RAB40C: variants seen among roughly 807,000 people sequenced by gnomAD.
RAB40C encodes ras-related protein Rab-40C.
RAB40C carries 8 observed loss-of-function variants against 28.1 expected under a neutral mutation model. That is an observed-to-expected ratio of 0.28 (90% CI 0.17 to 0.51). The LOEUF (loss-of-function observed/expected upper bound fraction) is 0.51. Among genes scored for constraint, RAB40C ranks in the 20% least tolerant of loss-of-function variants. RAB40C has a pLI of 0.97. For missense variants in RAB40C, 288 were observed against 405.9 expected, an observed-to-expected ratio of 0.71 and a Z score of 2.50; for synonymous variants, 201 against 171.7, an observed-to-expected ratio of 1.17 and a Z score of -1.34.
At chr16:600,749 C>G (rs761820946) in intron 1 of RAB40C, among the ~76,000 whole-genome samples, 1 of 152,108 alleles carries the variant, frequency 6.6e-6, no homozygotes, top group Non-Finnish European at 1.5e-5. Flanking sequence ...GAGACTCCAT[C>G]TCAAAAAAAT....
chr16:605,985 C>T lies in RAB40C; in HGVS notation c.143-11223C>T, dbSNP rs553521896. On this transcript the variant is annotated intron_variant, in intron 1 of 5. Transcript: ENST00000248139. ...TCTTTGTAATAGCCATAGAACATTT[C>T]TATTCTGTCAGTAACCATTCCCCAG... Among the ~76,000 whole-genome samples the T allele has an allele frequency of 6.4e-4, 98 of 152,336 alleles. 6 individuals carry two copies. The South Asian group carries it at 0.012, about 18-fold the overall frequency.
chr16:595,174 C>T (rs2036086583), intron 1 of RAB40C, among the ~76,000 whole-genome samples: 1 of 152,166 alleles, frequency 6.6e-6, no homozygotes, highest in East Asian at 1.9e-4. Flanking sequence ...ACGGGGTGTT[C>T]ACCATGGCAA....
rs542253775 is a variant in RAB40C, at chr16:605,266, A to C, written c.143-11942A>C. On this transcript the variant is annotated intron_variant, in intron 1 of 5. Coordinates refer to ENST00000248139, the MANE Select transcript of RAB40C (RefSeq NM_021168.5). ...TGCTCAAGCAGCCCCATTGTTTCAT[A>C]GTCCCATCAGCAATGCATGAGAGTT... Among the ~76,000 whole-genome samples the C allele has an allele frequency of 7.8e-4, 119 of 152,360 alleles. 1 individual carries two copies. The highest frequency in any genetic ancestry group is 2.6e-3 in the African/African-American group (110 of 41,582).
In RAB40C at chr16:628,335, AC is replaced by A. The variant is rs1431157498; in HGVS notation, c.*715del. On this transcript the variant is annotated 3_prime_UTR_variant, in exon 6 of 6. Transcript: ENST00000248139. ...GAGAACCTTCCTGCTGTGATGTGAC[AC>A]CTTCGGGGACATTGACCACTCAAAA... The A allele has an allele frequency of 2.5e-4, 38 of 151,630 alleles. No individual in the cohort carries two copies. The highest frequency in any genetic ancestry group is 8.6e-4 in the African/African-American group (35 of 40,898). The allele number at this position is 151,630 out of a possible 1,614,324, so 9.4% of individuals were successfully genotyped here.
chr16:617,804 C>T (rs950239939), intron 2 of RAB40C, among the ~76,000 whole-genome samples: 54 of 152,054 alleles, frequency 3.6e-4, no homozygotes, highest in African/African-American at 1.3e-3. Flanking sequence ...GATTGCACCA[C>T]TGCACTCCAG....
intron 1 of RAB40C, among the ~76,000 whole-genome samples, chr16:608,243 A>C (rs1194359670): frequency 6.6e-6 from 1 of 152,174 alleles, no homozygotes; most frequent in African/African-American, 2.4e-5. Context: ...TCCTAAAACC[A>C]TCAGGTGTCG....
intron 1 of RAB40C, among the ~76,000 whole-genome samples, chr16:609,424 G>A (rs2036435077): frequency 6.6e-6 from 1 of 152,156 alleles, no homozygotes; most frequent in African/African-American, 2.4e-5. Context: ...GCAGATGGGA[G>A]CCCGTGGCAG....
chr16:606,104 A>G (rs1208614142), intron 1 of RAB40C, among the ~76,000 whole-genome samples: 1 of 152,160 alleles, frequency 6.6e-6, no homozygotes, highest in African/African-American at 2.4e-5. Context: ...TTGCTGACAC[A>G]TAGTCCTCTC....
intron 3 of RAB40C, among the ~76,000 whole-genome samples, chr16:619,602 A>C (rs908259641): frequency 6.6e-6 from 1 of 152,142 alleles, no homozygotes; most frequent in African/African-American, 2.4e-5. Context: ...TGATGCCCCT[A>C]AGAGTTCTGG....
chr16:626,251 C>T (rs567892930), intron 5 of RAB40C, 130 bp downstream of exon 5: 7 of 896,122 alleles, frequency 7.8e-6, no homozygotes, highest in African/African-American at 3.3e-5. Flanking sequence ...GCAGTAGGGG[C>T]TCGGCCGGCG....
intron 1 of RAB40C, among the ~76,000 whole-genome samples, chr16:598,924 G>T (rs1596400078): frequency 1.3e-5 from 2 of 152,328 alleles, no homozygotes; most frequent in South Asian, 4.1e-4. Flanking sequence ...GGGTAACCCG[G>T]TGGGAGCCTG....
At chr16:600,809 A>G (rs992874429) in intron 1 of RAB40C, among the ~76,000 whole-genome samples, 6 of 152,242 alleles carry the variant, frequency 3.9e-5, no homozygotes, top group Admixed American at 2.0e-4. Flanking sequence ...AGTTTAACAC[A>G]TAATTCATTA....
chr16:590,848 G>T (rs986522391), intron 1 of RAB40C, among the ~76,000 whole-genome samples: 6 of 150,512 alleles, frequency 4.0e-5, no homozygotes, highest in Non-Finnish European at 8.9e-5. Flanking sequence ...TCATGGGCTC[G>T]GGGGAAGGTG....
chr16:595,603 CT>C (rs746491567), intron 1 of RAB40C, among the ~76,000 whole-genome samples: 225 of 138,782 alleles, frequency 1.6e-3, no homozygotes, highest in South Asian at 3.0e-3. Context: ...CTTTTTTCTT[CT>C]TTTTTTTTTT....
At chr16:625,766 C>A in intron 4 of RAB40C, 133 bp from the exon 5 acceptor site, 1 of 990,736 alleles carries the variant, frequency 1.0e-6, no homozygotes, top group Non-Finnish European at 1.5e-6. Context: ...GTCTGCCCAC[C>A]TTGACCTCCG....
intron 5 of RAB40C, 130 bp downstream of exon 5, chr16:626,251 C>A (rs567892930): frequency 7.8e-6 from 7 of 896,116 alleles, no homozygotes; most frequent in Non-Finnish European, 1.2e-5. Flanking sequence ...GCAGTAGGGG[C>A]TCGGCCGGCG....
intron 3 of RAB40C, chr16:624,135 T>C (rs1336879691): frequency 1.1e-4 from 110 of 985,342 alleles, no homozygotes; most frequent in Non-Finnish European, 1.2e-4. Flanking sequence ...GTCGTTGTTA[T>C]CAGCGCCACT....
intron 1 of RAB40C, among the ~76,000 whole-genome samples, chr16:613,505 T>C (rs1358779918): frequency 1.3e-5 from 2 of 152,236 alleles, no homozygotes; most frequent in African/African-American, 4.8e-5. Flanking sequence ...GCACGCCGGC[T>C]GGCACTTGCT....
chr16:626,505 C>T (rs2151082669), intron 5 of RAB40C, among the ~76,000 whole-genome samples: 1 of 152,242 alleles, frequency 6.6e-6, no homozygotes. Context: ...ATCTGCTCTT[C>T]CTGGGTAGCC....
Sources: gnomAD v4.1 joint callset for allele counts (sites outside exome capture counted in the v4.1 genomes callset) on GRCh38, gnomAD v4.1.1 for gene constraint, MANE v1.5 for transcripts, NCBI Gene and HGNC (gene_info 2026-07-23, HGNC 2026-07-21) for gene names.